KLHL29: variants seen among roughly 807,000 people sequenced by gnomAD.
KLHL29 encodes kelch like family member 29.
KLHL29 carries 21 observed loss-of-function variants against 80.4 expected under a neutral mutation model. The ratio of observed to expected loss-of-function variants is 0.26; its 90% CI spans 0.19 to 0.38. The LOEUF is 0.38. KLHL29 is among the 10% of genes least tolerant of loss of function. The probability of loss-of-function intolerance (pLI) is 1.00; values close to 1 mark genes in which losing one functional copy is unlikely to be tolerated. For missense variants in KLHL29, 867 were observed against 1,223.9 expected (o/e 0.71, Z 4.35); for synonymous variants, 511 against 526.8 (o/e 0.97, Z 0.41).
intron 1 of KLHL29, among the ~76,000 whole-genome samples, chr2:23,394,601 C>T (rs1312759289): frequency 6.6e-6 from 1 of 152,108 alleles, no homozygotes. Context: ...GGAAGAGAGC[C>T]AATATTCCCT....
At chr2:23,616,780 T>C (rs369277112) in intron 3 of KLHL29, 5 of 152,204 alleles carry the variant, frequency 3.3e-5, no homozygotes, top group East Asian at 3.9e-4. Context: ...GTAGCTCTGT[T>C]GTCTGCACCA....
intron 1 of KLHL29, among the ~76,000 whole-genome samples, chr2:23,456,685 G>C (rs151214944): frequency 1.4e-3 from 210 of 152,380 alleles, no homozygotes; most frequent in Non-Finnish European, 2.6e-3. Context: ...GCTTCAGCCT[G>C]AATGCAGCGT....
chr2:23,631,435 A>C (rs369611994), intron 3 of KLHL29, among the ~76,000 whole-genome samples: 1 of 152,252 alleles, frequency 6.6e-6, no homozygotes, highest in Admixed American at 6.5e-5. Context: ...ACCATCATGC[A>C]GTTTCCGGCA....
intron 1 of KLHL29, among the ~76,000 whole-genome samples, chr2:23,464,687 C>T (rs1279539042): frequency 3.9e-5 from 6 of 152,184 alleles, no homozygotes; most frequent in Admixed American, 3.9e-4. Flanking sequence ...TCTCTGGATC[C>T]TTCTTTCCTA....
chr2:23,489,689 G>A (rs142111637), intron 2 of KLHL29, among the ~76,000 whole-genome samples: 18 of 151,926 alleles, frequency 1.2e-4, no homozygotes, highest in South Asian at 4.2e-4. Context: ...CTGCAGGGAC[G>A]GCACTAGATG....
chr2:23,642,514 G>T lies in KLHL29; in HGVS notation c.604G>T (p.Gly202Cys). The T allele has an allele frequency of 6.5e-7, 1 of 1,529,474 alleles. No homozygotes were observed. The allele number at this position is 1,529,474 out of a possible 1,614,324, so 94.7% of individuals were successfully genotyped here. A position where few individuals can be genotyped will look rare whatever the true frequency, so the allele number is the denominator to read the frequency against. The change falls in exon 5 of 14, where the codon GGC (glycine) becomes TGC (cysteine). Residue 202 changes from glycine (G) to cysteine (C), a missense_variant. Gly to Cys is a radical substitution (Grantham distance 159). Coordinates refer to ENST00000486442, the MANE Select transcript of KLHL29 (RefSeq NM_052920.2). The stretch of plus-strand genomic sequence containing the variant: ...GGGGCCCCAGCTCCCGCTGATGCCA[G>T]GCCACTACTCGCTCCCTCAGCCGCC... ...HVGPQLPLMP[G>C]HYSLPQPPSQ...
chr2:23,456,526 C>T (rs1359866556), intron 1 of KLHL29, among the ~76,000 whole-genome samples: 1 of 152,222 alleles, frequency 6.6e-6, no homozygotes, highest in Non-Finnish European at 1.5e-5. Context: ...AAATCTGAAA[C>T]GTCTCTAGTA....
In KLHL29 at chr2:23,503,506, G is replaced by T. The variant is rs1665512046; in HGVS notation, c.-46+27839G>T. Among the ~76,000 whole-genome samples the T allele has an allele frequency of 6.6e-6, 1 of 152,078 alleles. No homozygotes were observed. The highest frequency in any genetic ancestry group is 2.4e-5 in the African/African-American group (1 of 41,372). On this transcript the variant is annotated intron_variant, in intron 2 of 13. Coordinates refer to ENST00000486442, the MANE Select transcript of KLHL29 (RefSeq NM_052920.2). The surrounding 1 kb of genome is among the most constrained non-coding windows in gnomAD (Gnocchi z 4.0). Reference sequence around the variant, plus strand: ...TACAGACGAGGCCATAGAAGTTAGTGTTGTCCTAGGGATGGCTCCTGGTTC... The same window carrying T: ...TACAGACGAGGCCATAGAAGTTAGTTTTGTCCTAGGGATGGCTCCTGGTTC...
At chr2:23,510,330 C>T (rs1222074068) in intron 2 of KLHL29, among the ~76,000 whole-genome samples, 1 of 152,186 alleles carries the variant, frequency 6.6e-6, no homozygotes. Flanking sequence ...GAGCCACCTC[C>T]TCATTTAGTA....
chr2:23,654,034 A>G (rs2149165234), intron 5 of KLHL29, among the ~76,000 whole-genome samples: 1 of 152,058 alleles, frequency 6.6e-6, no homozygotes, highest in African/African-American at 2.4e-5. Flanking sequence ...GGGTGTGGTG[A>G]TGGGTTCCTG....
At chr2:23,543,498 T>C (rs1052974350) in intron 2 of KLHL29, among the ~76,000 whole-genome samples, 1 of 152,174 alleles carries the variant, frequency 6.6e-6, no homozygotes, top group African/African-American at 2.4e-5. Context: ...GATATTCCCT[T>C]GAGGTTTATG....
In KLHL29 at chr2:23,562,288, G is replaced by A. The variant is rs139637554; in HGVS notation, c.92G>A (p.Ser31Asn). ...GTCAACGGGACGCATGGGACCACCA[G>A]CATCTGCAGTGTCACCTCGGGGGCC... ...WSVNGTHGTTSICSVTSGAGG... is the reference protein window; with the variant it reads ...WSVNGTHGTTNICSVTSGAGG... The change falls in exon 3 of 14, where the codon AGC becomes AAC. Residue 31 changes from serine (S) to asparagine (N), a missense_variant. By Grantham distance (46) the Ser-to-Asn change is conservative (BLOSUM62 1). This residue lies in a region of KLHL29 where 424 missense variants were observed against 456.9 expected (regional missense o/e 0.93). Coordinates refer to ENST00000486442, the MANE Select transcript of KLHL29 (RefSeq NM_052920.2). This position sits in a 1 kb window ranked among gnomAD's most constrained non-coding sequence, Gnocchi z 4.5. 2.0e-4 allele frequency: 310 copies of A among 1,547,750 alleles called. 1 individual carries two copies. The highest frequency in any genetic ancestry group is 2.6e-4 in the Non-Finnish European group (296 of 1,145,026).
intron 3 of KLHL29, among the ~76,000 whole-genome samples, chr2:23,603,894 G>A (rs1000005592): frequency 6.6e-6 from 1 of 152,218 alleles, no homozygotes; most frequent in Admixed American, 6.5e-5. Flanking sequence ...ACCCAACATT[G>A]TCCCCGTCTC....
rs775388181 is a variant in KLHL29, at chr2:23,642,415, C to T, written c.505C>T (p.Pro169Ser). ...TGCACACTCCTATGGAGTGGCCCAG[C>T]CTCCCACCTTCAGCCCGGCTGTGAA... ...LIAHSYGVAQ[P>S]PTFSPAVNVQ... Residue 169 changes from proline to serine, a missense_variant, in exon 5 of 14, where the codon CCT becomes TCT. By Grantham distance (74) the Pro-to-Ser change is moderately conservative (BLOSUM62 -1). Around this residue, in one of 2 missense-constraint regions of KLHL29, gnomAD observed 424 missense variants for 456.9 expected, o/e 0.93. Transcript: ENST00000486442. The T allele has an allele frequency of 2.7e-6, 4 of 1,486,026 alleles. No homozygotes were observed. The highest frequency in any genetic ancestry group is 3.6e-6 in the Non-Finnish European group (4 of 1,112,048). 92.1% of individuals were successfully genotyped at this position (1,486,026 alleles called of 1,614,324 possible).
At chr2:23,573,626 G>A (rs1458058217) in intron 3 of KLHL29, among the ~76,000 whole-genome samples, 1 of 152,212 alleles carries the variant, frequency 6.6e-6, no homozygotes, top group Admixed American at 6.5e-5. Flanking sequence ...ATCAGGGTTT[G>A]AAACAACCAA....
intron 1 of KLHL29, among the ~76,000 whole-genome samples, chr2:23,467,372 G>A (rs1264062779): frequency 6.6e-6 from 1 of 152,208 alleles, no homozygotes; most frequent in Non-Finnish European, 1.5e-5. Flanking sequence ...GCCAAGAAAA[G>A]CAGAGTACTT....
chr2:23,451,045 G>A (rs979144944), intron 1 of KLHL29, among the ~76,000 whole-genome samples: 4 of 152,122 alleles, frequency 2.6e-5, no homozygotes, highest in African/African-American at 4.8e-5. Flanking sequence ...ACAATAATGC[G>A]GTCTTTTGTG....
At chr2:23,603,972 T>C (rs941065556) in intron 3 of KLHL29, among the ~76,000 whole-genome samples, 2 of 152,126 alleles carry the variant, frequency 1.3e-5, no homozygotes, top group African/African-American at 4.8e-5. Context: ...CACCATGAAG[T>C]CGGTTCTGTG....
intron 2 of KLHL29, among the ~76,000 whole-genome samples, chr2:23,555,986 G>A (rs1046993049): frequency 1.2e-4 from 19 of 152,224 alleles, no homozygotes; most frequent in African/African-American, 4.6e-4. Context: ...GGCTCTGAAG[G>A]GGGGACTGGA....
Sources: gnomAD v4.1 joint callset for allele counts (sites outside exome capture counted in the v4.1 genomes callset) on GRCh38, gnomAD v4.1.1 for gene constraint, gnomAD v4.1.1 regional missense constraint, Gnocchi (gnomAD v3.1) non-coding constraint, MANE v1.5 for transcripts, NCBI Gene and HGNC (gene_info 2026-07-23, HGNC 2026-07-21) for gene names.